SLC36A1: variants seen among roughly 807,000 people sequenced by gnomAD.
SLC36A1 encodes solute carrier family 36 member 1.
A neutral mutation model predicts 47.5 loss-of-function variants in SLC36A1; 30 were observed. The observed-to-expected ratio is 0.63, with a 90% CI of 0.47 to 0.86. The LOEUF (loss-of-function observed/expected upper bound fraction) is 0.86. SLC36A1 is among the 40% of genes least tolerant of loss of function. SLC36A1 has a pLI of 0.00. For synonymous variants in SLC36A1, 255 were observed against 249.7 expected (o/e 1.02, Z -0.20); for missense variants, 517 against 606.0 (o/e 0.85, Z 1.54).
At chr5:151,380,587 A>G in the SLC36A1 span, 1 of 548,416 alleles carries the variant, frequency 1.8e-6, no homozygotes, top group Non-Finnish European at 3.7e-6. Context: ...GAATGAGGAC[A>G]TCAGTTCCCT....
At chr5:151,537,378 C>T in the SLC36A1 span, among the ~76,000 whole-genome samples, 32 of 114,458 alleles carry the variant, frequency 2.8e-4, no homozygotes, top group East Asian at 6.3e-3. Context: ...AAAGAAACAA[C>T]GAACAACGAA....
chr5:151,446,356 CCTCGT>C (rs1375460352), upstream of SLC36A1, among the ~76,000 whole-genome samples: 2 of 152,052 alleles, frequency 1.3e-5, no homozygotes, highest in South Asian at 4.1e-4. Flanking sequence ...ACATGGTGAA[CCTCGT>C]CTCTACTAAA....
the SLC36A1 span, among the ~76,000 whole-genome samples, chr5:151,555,451 A>G: frequency 1.4e-4 from 21 of 148,514 alleles, no homozygotes; most frequent in South Asian, 4.5e-3. Context: ...GCTCACTGCA[A>G]CCTCCGTCTC....
At chr5:151,497,350 A>G (rs1033537870), downstream of SLC36A1, among the ~76,000 whole-genome samples, 1 of 152,196 alleles carries the variant, frequency 6.6e-6, no homozygotes. Context: ...ATATGATCGT[A>G]TAGTTTTTCT....
chr5:151,362,597 G>A, the SLC36A1 span, among the ~76,000 whole-genome samples: 1 of 151,888 alleles, frequency 6.6e-6, no homozygotes, highest in African/African-American at 2.4e-5. Context: ...CACCATGTTG[G>A]CTGTGCTGGT....
the SLC36A1 span, among the ~76,000 whole-genome samples, chr5:151,353,534 G>A: frequency 2.7e-4 from 41 of 152,140 alleles, no homozygotes; most frequent in East Asian, 7.2e-3. Flanking sequence ...AACGGAGTGA[G>A]ACATTTGTTA....
intron 9 of SLC36A1, among the ~76,000 whole-genome samples, chr5:151,478,125 TCTC>T (rs1236104334): frequency 1.3e-5 from 2 of 152,196 alleles, no homozygotes; most frequent in Admixed American, 6.5e-5. Flanking sequence ...ACAAGGTTGT[TCTC>T]CTGCTTATAG....
intron 10 of SLC36A1, among the ~76,000 whole-genome samples, chr5:151,487,006 C>T (rs1265396309): frequency 6.6e-6 from 1 of 152,192 alleles, no homozygotes; most frequent in Non-Finnish European, 1.5e-5. Context: ...CAGTTAATAT[C>T]CCCATTTTGC....
chr5:151,544,194 A>C, the SLC36A1 span: 1 of 1,614,210 alleles, frequency 6.2e-7, no homozygotes, highest in Non-Finnish European at 8.5e-7. Flanking sequence ...CATCCTCCAC[A>C]ATCTGATAAG....
At chr5:151,527,409 T>A in the SLC36A1 span, 6 of 1,552,648 alleles carry the variant, frequency 3.9e-6, no homozygotes, top group Non-Finnish European at 5.2e-6. Context: ...AGGTTAGCAA[T>A]GAGGTAGCTG....
At chr5:151,423,727 T>C in the SLC36A1 span, among the ~76,000 whole-genome samples, 1 of 152,182 alleles carries the variant, frequency 6.6e-6, no homozygotes, top group Non-Finnish European at 1.5e-5. Flanking sequence ...CCATTGTATA[T>C]TTGTCCAAAA....
the SLC36A1 span, among the ~76,000 whole-genome samples, chr5:151,411,788 A>G: frequency 6.9e-6 from 1 of 144,492 alleles, no homozygotes; most frequent in African/African-American, 2.5e-5. Flanking sequence ...CACGGATAAG[A>G]AAATACCTGC....
At chr5:151,366,658 C>T in the SLC36A1 span, 1 of 158,566 alleles carries the variant, frequency 6.3e-6, no homozygotes, top group Non-Finnish European at 1.4e-5. Flanking sequence ...GGCCAGGGAA[C>T]CTGCAGTGGA....
chr5:151,507,400 C>A, the SLC36A1 span: 1 of 1,614,214 alleles, frequency 6.2e-7, no homozygotes. Flanking sequence ...TCAACACCAA[C>A]ACTCCTGGCC....
chr5:151,427,830 T>C, the SLC36A1 span, among the ~76,000 whole-genome samples: 53 of 152,282 alleles, frequency 3.5e-4, 1 homozygote, highest in African/African-American at 1.1e-3. Flanking sequence ...GGATGTGGGA[T>C]AGGGTTGAAG....
Position 151,467,291 on chromosome 5 carries a change from C to T in SLC36A1, c.504+8C>T. On this transcript the variant is annotated splice_region_variant and intron_variant, in intron 6 of 10. Coordinates refer to ENST00000243389, the MANE Select transcript of SLC36A1 (RefSeq NM_078483.4). ...GCTGACAACTTTAAACAGGTAGGCA[C>T]CTGGTTAAAAAAGAAAAAAAAAAAA... The T allele has an allele frequency of 6.7e-7, 1 of 1,488,984 alleles. No homozygotes were observed. Among genetic ancestry groups the T allele is most frequent in the Non-Finnish European group, 9.1e-7 (1 of 1,104,072 alleles). 92.2% of individuals were successfully genotyped at this position (1,488,984 alleles called of 1,614,324 possible).
the SLC36A1 span, among the ~76,000 whole-genome samples, chr5:151,547,084 A>G: frequency 1.3e-5 from 2 of 152,198 alleles, no homozygotes; most frequent in African/African-American, 4.8e-5. Context: ...TAACTCACTC[A>G]AATTTTGATA....
intron 1 of SLC36A1, among the ~76,000 whole-genome samples, chr5:151,439,117 GGA>G (rs10593815): frequency 0.46 from 68,823 of 150,070 alleles, 16,295 homozygotes; most frequent in African/African-American, 0.6. Flanking sequence ...CATGGCAGCA[GGA>G]GAGAGAGAGA....
chr5:151,350,095 T>C, the SLC36A1 span, among the ~76,000 whole-genome samples: 5 of 151,626 alleles, frequency 3.3e-5, no homozygotes, highest in Non-Finnish European at 7.4e-5. Context: ...CCTACCTGGA[T>C]GAAAATTCAT....
Sources: gnomAD v4.1 joint callset for allele counts (sites outside exome capture counted in the v4.1 genomes callset) on GRCh38, gnomAD v4.1.1 for gene constraint, MANE v1.5 for transcripts, NCBI Gene and HGNC (gene_info 2026-07-23, HGNC 2026-07-21) for gene names.